The following NALF1 variants were observed in gnomAD, a reference collection of about 807,000 sequenced individuals.
NALF1 encodes family with sequence similarity 155 member A.
In NALF1, 3 loss-of-function variants were observed where a neutral mutation model predicts 48.4. That is an observed-to-expected ratio of 0.06 (90% confidence interval 0.03 to 0.16). NALF1 has a LOEUF of 0.16. NALF1 is among the 10% of genes least tolerant of loss of function. NALF1 has a pLI of 1.00. For missense variants in NALF1, 526 were observed against 571.5 expected (o/e 0.92, Z 0.81); for synonymous variants, 262 against 245.7 (o/e 1.07, Z -0.62).
At chr13:107,401,556 T>A (rs984779555) in intron 1 of NALF1, among the ~76,000 whole-genome samples, 2 of 152,196 alleles carry the variant, frequency 1.3e-5, no homozygotes, top group Non-Finnish European at 2.9e-5. Flanking sequence ...TATTATTTTG[T>A]CAAATGGTTT....
chr13:107,476,142 C>G (rs561860463), intron 1 of NALF1, among the ~76,000 whole-genome samples: 10 of 152,188 alleles, frequency 6.6e-5, no homozygotes, highest in Admixed American at 2.0e-4. Flanking sequence ...TCATGTAATT[C>G]CTTTTGAGGA....
intron 1 of NALF1, among the ~76,000 whole-genome samples, chr13:107,789,659 T>C (rs1433631880): frequency 2.0e-5 from 3 of 152,320 alleles, no homozygotes; most frequent in South Asian, 2.1e-4. Context: ...AAACATTCTT[T>C]TTCCATGTTA....
At chr13:107,235,144 C>T (rs1271757843) in intron 1 of NALF1, among the ~76,000 whole-genome samples, 1 of 152,130 alleles carries the variant, frequency 6.6e-6, no homozygotes, top group African/African-American at 2.4e-5. Context: ...CACCATTCAT[C>T]GTTGTATAAC....
At chr13:107,696,407 A>G (rs1398825985) in intron 1 of NALF1, among the ~76,000 whole-genome samples, 2 of 152,204 alleles carry the variant, frequency 1.3e-5, no homozygotes, top group African/African-American at 4.8e-5. Flanking sequence ...CATAACTGAC[A>G]ACGTTACACA....
intron 1 of NALF1, among the ~76,000 whole-genome samples, chr13:107,588,582 T>G (rs1878520889): frequency 6.6e-6 from 1 of 152,142 alleles, no homozygotes; most frequent in Non-Finnish European, 1.5e-5. Flanking sequence ...GGCTGTTTGG[T>G]GCCTGTAAAT....
intron 1 of NALF1, among the ~76,000 whole-genome samples, chr13:107,550,527 C>T (rs1260433869): frequency 6.6e-6 from 1 of 152,148 alleles, no homozygotes; most frequent in Admixed American, 6.6e-5. Flanking sequence ...ACCAGAATGT[C>T]ACAACCTTGT....
At chr13:107,203,177 G>A (rs956780045) in intron 2 of NALF1, among the ~76,000 whole-genome samples, 1 of 152,214 alleles carries the variant, frequency 6.6e-6, no homozygotes, top group Admixed American at 6.5e-5. Context: ...GATTTCACCT[G>A]TTCTGGGAAA....
chr13:107,498,058 T>C (rs949286006), intron 1 of NALF1, among the ~76,000 whole-genome samples: 8 of 152,168 alleles, frequency 5.3e-5, no homozygotes, highest in Admixed American at 2.0e-4. Context: ...CGTGATATTT[T>C]ATTAGTTTGA....
At chr13:107,621,289 GTATTAA>G (rs1879511108) in intron 1 of NALF1, among the ~76,000 whole-genome samples, 1 of 152,036 alleles carries the variant, frequency 6.6e-6, no homozygotes, top group South Asian at 2.1e-4. Flanking sequence ...ATTTTTTCTA[GTATTAA>G]TATTACTTCA....
At chr13:107,545,184 A>T (rs1877104571) in intron 1 of NALF1, among the ~76,000 whole-genome samples, 1 of 152,238 alleles carries the variant, frequency 6.6e-6, no homozygotes, top group African/African-American at 2.4e-5. Context: ...TAAGATGAAG[A>T]AACATAAAGA....
intron 1 of NALF1, among the ~76,000 whole-genome samples, chr13:107,545,928 A>G (rs1877125088): frequency 6.6e-6 from 1 of 152,180 alleles, no homozygotes; most frequent in African/African-American, 2.4e-5. Context: ...TCTTCCTCAT[A>G]GCAAACATCT....
At chr13:107,399,623 C>A (rs1883770548) in intron 1 of NALF1, among the ~76,000 whole-genome samples, 2 of 152,088 alleles carry the variant, frequency 1.3e-5, no homozygotes, top group South Asian at 4.1e-4. Flanking sequence ...CTTGTTGATT[C>A]AAATTCCTTG....
chr13:107,361,487 A>C (rs1455397707), intron 1 of NALF1, among the ~76,000 whole-genome samples: 2 of 152,188 alleles, frequency 1.3e-5, no homozygotes, highest in African/African-American at 4.8e-5. Flanking sequence ...AGGGGAAAAA[A>C]AAGATGTTAG....
At chr13:107,271,814 A>ATATATATATTTATTTATT (rs1374366280) in intron 1 of NALF1, among the ~76,000 whole-genome samples, 19 of 102,540 alleles carry the variant, frequency 1.9e-4, no homozygotes, top group African/African-American at 4.4e-4. Context: ...ATATATATAT[A>ATATATATATTTATTTATT]TATTTATATA....
At chr13:107,407,225 C>A (rs1229487433) in intron 1 of NALF1, among the ~76,000 whole-genome samples, 1 of 151,884 alleles carries the variant, frequency 6.6e-6, no homozygotes, top group Non-Finnish European at 1.5e-5. Flanking sequence ...GTGTCATACC[C>A]CGCAAGCACA....
chr13:107,434,166 G>A (rs570064190), intron 1 of NALF1, among the ~76,000 whole-genome samples: 17 of 152,140 alleles, frequency 1.1e-4, no homozygotes, highest in Non-Finnish European at 1.8e-4. Context: ...AGTTTCAGTG[G>A]TGTATAATCT....
chr13:107,265,512 C>G (rs1881021481), intron 1 of NALF1, among the ~76,000 whole-genome samples: 1 of 152,044 alleles, frequency 6.6e-6, no homozygotes, highest in Non-Finnish European at 1.5e-5. Context: ...CTCAGCCTCC[C>G]AGGTTCAAGC....
At chr13:107,480,403 T>C (rs576349629) in intron 1 of NALF1, among the ~76,000 whole-genome samples, 1 of 152,216 alleles carries the variant, frequency 6.6e-6, no homozygotes, top group Non-Finnish European at 1.5e-5. Context: ...CTAGCATATC[T>C]GCCTTGGAAT....
At chr13:107,543,508 C>T (rs1030104400) in intron 1 of NALF1, among the ~76,000 whole-genome samples, 1 of 151,926 alleles carries the variant, frequency 6.6e-6, no homozygotes, top group African/African-American at 2.4e-5. Flanking sequence ...AAAAATCTGC[C>T]ATATATACAC....
Sources: gnomAD v4.1 joint callset for allele counts (sites outside exome capture counted in the v4.1 genomes callset) on GRCh38, gnomAD v4.1.1 for gene constraint, MANE v1.5 for transcripts, NCBI Gene and HGNC (gene_info 2026-07-23, HGNC 2026-07-21) for gene names.